PDIA4: variants seen among roughly 807,000 people sequenced by gnomAD.
PDIA4 encodes protein disulfide-isomerase A4.
A neutral mutation model predicts 62.1 loss-of-function variants in PDIA4; 33 were observed. That is an observed-to-expected ratio of 0.53 (90% CI 0.40 to 0.71). The LOEUF (loss-of-function observed/expected upper bound fraction) is 0.71. Ranked by LOEUF, PDIA4 falls within the 30% of genes least tolerant of loss-of-function variation. The probability of loss-of-function intolerance (pLI) is 0.00; values close to 1 mark genes in which losing one functional copy is unlikely to be tolerated. For missense variants in PDIA4, 804 were observed against 813.6 expected (o/e 0.99, Z 0.14); for synonymous variants, 341 against 324.1 (o/e 1.05, Z -0.56).
At chr7:149,027,526 A>G (rs903907292) in intron 1 of PDIA4, among the ~76,000 whole-genome samples, 13 of 152,264 alleles carry the variant, frequency 8.5e-5, no homozygotes, top group African/African-American at 3.1e-4. Flanking sequence ...GGTAAAGACC[A>G]GTACCTGGAT....
In PDIA4 at chr7:149,008,233, C is replaced by G. The variant is rs1464569392; in HGVS notation, c.1057G>C (p.Gly353Arg). 6.2e-7 allele frequency: 1 copy of G among 1,613,968 alleles called. No homozygotes were observed. Among genetic ancestry groups the G allele is most frequent in the Admixed American group, 1.7e-5 (1 of 59,994 alleles). ...EIAKFLKVSQ[G>R]QLVVMQPEKF... is the part of the protein sequence containing the mutation. ...TCAGGCTGCATTACAACCAACTGCC[C>G]CTGGGAGACTTTCAAGAACTTTGCT... The change falls in exon 7 of 10, where the codon GGG (glycine) becomes CGG (arginine). Residue 353 changes from glycine to arginine, a missense_variant. Transcript: ENST00000652332.
intron 9 of PDIA4, 100 bp downstream of exon 9, chr7:149,005,041 C>T (rs1474049728): frequency 2.1e-5 from 18 of 858,918 alleles, no homozygotes; most frequent in African/African-American, 4.9e-5. Context: ...AAGGGGGTGT[C>T]GTGCCCGTGG....
intron 6 of PDIA4, among the ~76,000 whole-genome samples, chr7:149,011,059 C>T (rs1024799011): frequency 6.6e-5 from 10 of 152,228 alleles, no homozygotes; most frequent in Admixed American, 2.6e-4. Context: ...CATTAATCTG[C>T]ATTTGACTTA....
chr7:149,024,765 G>A (rs1824481839), intron 1 of PDIA4, among the ~76,000 whole-genome samples: 1 of 143,516 alleles, frequency 7.0e-6, no homozygotes, highest in Admixed American at 7.2e-5. Context: ...GCAGTGAGCT[G>A]AGATCGCACC....
At chr7:149,023,267 C>T (rs1824418863) in intron 1 of PDIA4, among the ~76,000 whole-genome samples, 1 of 152,158 alleles carries the variant, frequency 6.6e-6, no homozygotes, top group African/African-American at 2.4e-5. Flanking sequence ...TTTCTGGTCT[C>T]CCTTTTCAGA....
At chr7:149,022,840 C>T (rs1824403067) in intron 1 of PDIA4, among the ~76,000 whole-genome samples, 1 of 152,212 alleles carries the variant, frequency 6.6e-6, no homozygotes, top group Non-Finnish European at 1.5e-5. Flanking sequence ...TCACTGTCAA[C>T]ATGTACCAAT....
intron 7 of PDIA4, chr7:149,006,255 C>T (rs1305140833): frequency 1.2e-5 from 6 of 518,204 alleles, no homozygotes; most frequent in African/African-American, 2.0e-5. Context: ...TCCAGTGAAC[C>T]GTAGGTGGCT....
In PDIA4 at chr7:149,004,094, G is replaced by A; in HGVS notation, c.1638C>T (p.Val546=). Reference sequence around the variant, plus strand: ...ACCATGGCGCGTAGAACTCGATGAGGACGTCCTTCTTGGGGTCCATCACAA... The same window carrying A: ...ACCATGGCGCGTAGAACTCGATGAGAACGTCCTTCTTGGGGTCCATCACAA... ...DSIVMDPKKD[V]LIEFYAPWCG... Residue 546 remains valine, a synonymous_variant, in exon 10 of 10, where the codon GTC becomes GTT. Coordinates refer to ENST00000652332, the MANE Select transcript of PDIA4 (RefSeq NM_004911.5). The A allele has an allele frequency of 6.2e-7, 1 of 1,614,200 alleles. No homozygotes were observed. Among genetic ancestry groups the A allele is most frequent in the Non-Finnish European group, 8.5e-7 (1 of 1,180,040 alleles).
Position 149,014,200 on chromosome 7 carries a change from G to C in PDIA4, c.614+704C>G, listed in dbSNP as rs192093966. Among the ~76,000 whole-genome samples the C allele has an allele frequency of 1.2e-3, 187 of 152,276 alleles. 1 individual carries two copies. Among genetic ancestry groups the C allele is most frequent in the African/African-American group, 4.2e-3 (176 of 41,554 alleles). On this transcript the variant is annotated intron_variant, in intron 4 of 9. Coordinates refer to ENST00000652332, the MANE Select transcript of PDIA4 (RefSeq NM_004911.5). ...TCCTGGTCCCAAACCTGACCCCACA[G>C]TGCAGAAGGTGCCACCCACCCCCCG...
intron 8 of PDIA4, 51 bp from the exon 9 acceptor site, chr7:149,005,425 A>G (rs1476579956): frequency 1.7e-6 from 2 of 1,191,332 alleles, no homozygotes; most frequent in Middle Eastern, 1.9e-4. Context: ...AGCAAGTCCC[A>G]GCTCAGACTC....
intron 1 of PDIA4, among the ~76,000 whole-genome samples, chr7:149,027,194 G>A (rs573037409): frequency 6.6e-6 from 1 of 152,226 alleles, no homozygotes; most frequent in South Asian, 2.1e-4. Context: ...GTGTATTTTG[G>A]GTATCTGTAT....
chr7:149,024,233 C>T (rs758063632), intron 1 of PDIA4, among the ~76,000 whole-genome samples: 8 of 151,842 alleles, frequency 5.3e-5, no homozygotes, highest in African/African-American at 9.7e-5. Flanking sequence ...CGTGACAAAG[C>T]GAGACTAACA....
At chr7:149,008,969 A>C (rs908034283) in intron 6 of PDIA4, among the ~76,000 whole-genome samples, 9 of 152,002 alleles carry the variant, frequency 5.9e-5, no homozygotes, top group African/African-American at 2.2e-4. Context: ...TCTGTCCCCC[A>C]GGCTGGAGTG....
chr7:149,020,559 T>C (rs1295771053), intron 2 of PDIA4, among the ~76,000 whole-genome samples: 1 of 152,128 alleles, frequency 6.6e-6, no homozygotes, highest in Non-Finnish European at 1.5e-5. Flanking sequence ...AGCCTGCACT[T>C]GGGGCAGCTG....
At chr7:149,024,604 G>A (rs1824473364) in intron 1 of PDIA4, among the ~76,000 whole-genome samples, 1 of 151,958 alleles carries the variant, frequency 6.6e-6, no homozygotes, top group South Asian at 2.1e-4. Context: ...CACGAGGTCA[G>A]GAGATTAAGA....
chr7:149,005,061 C>T (rs1392549144), intron 9 of PDIA4, 80 bp downstream of exon 9: 3 of 1,120,086 alleles, frequency 2.7e-6, no homozygotes, highest in Non-Finnish European at 4.1e-6. Flanking sequence ...GCCAGAGCAC[C>T]AGACGCCCCT....
intron 1 of PDIA4, among the ~76,000 whole-genome samples, chr7:149,022,362 A>C (rs781059422): frequency 6.6e-6 from 1 of 152,160 alleles, no homozygotes; most frequent in East Asian, 1.9e-4. Flanking sequence ...AATGTGAGAA[A>C]TTGTGTATAT....
At chr7:149,005,085 TCCGCACGAGGAGCA>T in intron 9 of PDIA4, 42 bp downstream of exon 9, 2 of 1,410,298 alleles carry the variant, frequency 1.4e-6, no homozygotes, top group Non-Finnish European at 2.0e-6. Flanking sequence ...CTGTCTGGAT[TCCGCACGAGGAGCA>T]CAGCAGCTGA....
chr7:149,023,316 C>A (rs1003333080), intron 1 of PDIA4, among the ~76,000 whole-genome samples: 1 of 152,152 alleles, frequency 6.6e-6, no homozygotes, highest in African/African-American at 2.4e-5. Context: ...AAGAAAAGAT[C>A]CTCTGCTCTG....
Sources: gnomAD v4.1 joint callset for allele counts (sites outside exome capture counted in the v4.1 genomes callset) on GRCh38, gnomAD v4.1.1 for gene constraint, MANE v1.5 for transcripts, NCBI Gene and HGNC (gene_info 2026-07-23, HGNC 2026-07-21) for gene names.